ARHGEF10L: variants seen among roughly 807,000 people sequenced by gnomAD.
ARHGEF10L encodes Rho guanine nucleotide exchange factor 10 like, also known as rho guanine nucleotide exchange factor 10-like protein.
ARHGEF10L carries 69 observed loss-of-function variants against 141.2 expected under a neutral mutation model. The observed-to-expected ratio is 0.49, with a 90% confidence interval of 0.40 to 0.60. The LOEUF is 0.60. Ranked by LOEUF, ARHGEF10L falls within the 20% of genes least tolerant of loss-of-function variation. The probability of loss-of-function intolerance (pLI) is 0.00; values close to 1 mark genes in which losing one functional copy is unlikely to be tolerated. For missense variants in ARHGEF10L, 1,482 were observed against 1,734.3 expected (o/e 0.85, Z 2.58); for synonymous variants, 711 against 718.5 (o/e 0.99, Z 0.17).
At chr1:17,518,666 C>A in the ARHGEF10L span, among the ~76,000 whole-genome samples, 2 of 151,808 alleles carry the variant, frequency 1.3e-5, no homozygotes, top group African/African-American at 4.8e-5. Context: ...GTGGTGCACA[C>A]CTGTAGTCCC....
At chr1:17,641,422 G>A (rs2061323070) in intron 21 of ARHGEF10L, among the ~76,000 whole-genome samples, 1 of 151,682 alleles carries the variant, frequency 6.6e-6, no homozygotes, top group African/African-American at 2.4e-5. Flanking sequence ...ACAAGGTCAG[G>A]AGATCGAGAC....
chr1:17,623,507 G>A lies in ARHGEF10L; in HGVS notation c.1200+332G>A, dbSNP rs1019016554. The stretch of plus-strand genomic sequence containing the variant: ...AAGCTCTCTTACCGAGCACTTGAGG[G>A]GTTTCAAGCCAGTGTGAAATGCTGT... On this transcript the variant is annotated intron_variant, in intron 12 of 28. Transcript: ENST00000361221. The surrounding 1 kb of genome is among the most constrained non-coding windows in gnomAD (Gnocchi z 4.7). 6.6e-6 allele frequency among the ~76,000 whole-genome samples: 1 copy of A among 152,162 alleles called. No individual in the cohort carries two copies. Among genetic ancestry groups the A allele is most frequent in the Non-Finnish European group, 1.5e-5 (1 of 68,038 alleles).
chr1:17,521,647 A>G, the ARHGEF10L span, among the ~76,000 whole-genome samples: 1 of 152,178 alleles, frequency 6.6e-6, no homozygotes, highest in African/African-American at 2.4e-5. Flanking sequence ...CTCTTATTTT[A>G]CAGCGGAGGA....
the ARHGEF10L span, among the ~76,000 whole-genome samples, chr1:17,534,224 G>T: frequency 6.6e-6 from 1 of 151,978 alleles, no homozygotes; most frequent in African/African-American, 2.4e-5. Flanking sequence ...CTGGGTTCAC[G>T]CCATTCTCCT....
chr1:17,620,438 G>A (rs922254876), intron 10 of ARHGEF10L, among the ~76,000 whole-genome samples: 1 of 152,216 alleles, frequency 6.6e-6, no homozygotes, highest in Non-Finnish European at 1.5e-5. Context: ...CGAGGCACGG[G>A]ACAGCCCCAC....
intron 25 of ARHGEF10L, among the ~76,000 whole-genome samples, chr1:17,657,306 T>C (rs1484614958): frequency 6.6e-6 from 1 of 152,246 alleles, no homozygotes; most frequent in Non-Finnish European, 1.5e-5. Context: ...GTGTGTTATC[T>C]TAATTCTCAT....
chr1:17,661,227 A>T (rs2062603997), intron 25 of ARHGEF10L, among the ~76,000 whole-genome samples: 2 of 152,032 alleles, frequency 1.3e-5, no homozygotes, highest in African/African-American at 4.8e-5. Flanking sequence ...ACAGGCGCAC[A>T]CCACCACACC....
intron 4 of ARHGEF10L, among the ~76,000 whole-genome samples, chr1:17,591,634 G>C (rs1014443779): frequency 6.6e-6 from 1 of 151,960 alleles, no homozygotes; most frequent in African/African-American, 2.4e-5. Context: ...CTGGTCTTGA[G>C]CTCCTGACCT....
At chr1:17,563,893 G>A (rs111840798) in intron 1 of ARHGEF10L, among the ~76,000 whole-genome samples, 136 of 152,258 alleles carry the variant, frequency 8.9e-4, no homozygotes, top group African/African-American at 3.0e-3. Context: ...GTCTGAGAGC[G>A]TCTGATTGTG....
intron 1 of ARHGEF10L, among the ~76,000 whole-genome samples, chr1:17,553,482 A>G (rs2077190367): frequency 6.6e-6 from 1 of 152,146 alleles, no homozygotes; most frequent in South Asian, 2.1e-4. Context: ...TGAACCCTCT[A>G]TAGTTTGACA....
chr1:17,648,201 A>G (rs1041578800), intron 21 of ARHGEF10L, among the ~76,000 whole-genome samples: 5 of 152,156 alleles, frequency 3.3e-5, no homozygotes, highest in African/African-American at 7.2e-5. Context: ...TTTTACATCT[A>G]TTATTTCATT....
the ARHGEF10L span, among the ~76,000 whole-genome samples, chr1:17,518,802 CAAAAAAAAAAAAAAA>C: frequency 1.0e-4 from 10 of 99,876 alleles, no homozygotes; most frequent in East Asian, 3.1e-3. Context: ...GATTCTGTCT[CAAAAAAAAAAAAAAA>C]AAAAAAAAGA....
intron 1 of ARHGEF10L, among the ~76,000 whole-genome samples, chr1:17,553,171 G>A (rs1006623479): frequency 6.6e-6 from 1 of 152,176 alleles, no homozygotes; most frequent in Non-Finnish European, 1.5e-5. Context: ...GGGCCTCAGA[G>A]GGGGACTGGA....
chr1:17,649,165 G>A (rs2061767975), intron 22 of ARHGEF10L, among the ~76,000 whole-genome samples: 1 of 152,234 alleles, frequency 6.6e-6, no homozygotes, highest in Admixed American at 6.5e-5. Flanking sequence ...AACCTTGCGA[G>A]TAGATGTTTC....
chr1:17,556,114 GGGGGGGCCTGGAAACACA>G (rs2077302631), intron 1 of ARHGEF10L, among the ~76,000 whole-genome samples: 1 of 107,718 alleles, frequency 9.3e-6, no homozygotes, highest in African/African-American at 3.5e-5. Context: ...TGGGAGCATG[GGGGGGGCCTGGAAACACA>G]GGGGGGCCTG....
chr1:17,564,806 G>A (rs2077683743), intron 1 of ARHGEF10L, among the ~76,000 whole-genome samples: 1 of 152,188 alleles, frequency 6.6e-6, no homozygotes, highest in African/African-American at 2.4e-5. Flanking sequence ...CAGTTAACAC[G>A]TGTTCGGTGT....
intron 3 of ARHGEF10L, 149 bp from the exon 4 acceptor site, chr1:17,588,297 G>C (rs1166852672): frequency 3.8e-5 from 29 of 758,822 alleles, no homozygotes; most frequent in Non-Finnish European, 5.9e-5. Context: ...GCCAGGGCTG[G>C]GGGAGGGAGG....
In ARHGEF10L at chr1:17,634,915, A is replaced by G; in HGVS notation, c.1826A>G (p.Gln609Arg). Residue 609 changes from glutamine (Q) to arginine (R), a missense_variant, in exon 18 of 29, where the codon CAG becomes CGG. Transcript: ENST00000361221. Reference sequence around the variant, plus strand: ...TGGAACACGGCGCTGCCCCAGGTGCAGGTGGTGGAGGTGGGCCAGGACGGT... The same window carrying G: ...TGGAACACGGCGCTGCCCCAGGTGCGGGTGGTGGAGGTGGGCCAGGACGGT... ...VKWNTALPQV[Q>R]VVEVGQDGGT... 1.9e-6 allele frequency: 3 copies of G among 1,614,104 alleles called. No individual in the cohort carries two copies. The highest frequency in any genetic ancestry group is 2.5e-6 in the Non-Finnish European group (3 of 1,179,982).
At chr1:17,676,931 G>A (rs1017744270) in intron 26 of ARHGEF10L, among the ~76,000 whole-genome samples, 1 of 151,816 alleles carries the variant, frequency 6.6e-6, no homozygotes, top group African/African-American at 2.4e-5. Context: ...GCCTCCACTA[G>A]TTCTCCTCTG....
Sources: gnomAD v4.1 joint callset for allele counts (sites outside exome capture counted in the v4.1 genomes callset) on GRCh38, gnomAD v4.1.1 for gene constraint, Gnocchi (gnomAD v3.1) non-coding constraint, MANE v1.5 for transcripts, NCBI Gene and HGNC (gene_info 2026-07-23, HGNC 2026-07-21) for gene names.